The following SMG6 variants were observed in gnomAD, a reference collection of about 807,000 sequenced individuals.
SMG6 encodes telomerase-binding protein EST1A.
In SMG6, 66 loss-of-function variants were observed where a neutral mutation model predicts 142.2. That is an observed-to-expected ratio of 0.46 (90% CI 0.38 to 0.57). The LOEUF is 0.57. SMG6 is among the 20% of genes least tolerant of loss of function. The probability of loss-of-function intolerance (pLI) is 0.00; values close to 1 mark genes in which losing one functional copy is unlikely to be tolerated. For synonymous variants in SMG6, 779 were observed against 702.4 expected, an observed-to-expected ratio of 1.11 and a Z score of -1.72; for missense variants, 1,793 against 1,832.0, an observed-to-expected ratio of 0.98 and a Z score of 0.39.
intron 16 of SMG6, among the ~76,000 whole-genome samples, chr17:2,066,269 T>C (rs1419955041): frequency 1.3e-5 from 2 of 151,600 alleles, no homozygotes; most frequent in Non-Finnish European, 2.9e-5. Flanking sequence ...CGCACGTGTA[T>C]GTCTGTGTGC....
intron 13 of SMG6, among the ~76,000 whole-genome samples, chr17:2,147,926 C>G (rs2070716733): frequency 6.6e-6 from 1 of 152,078 alleles, no homozygotes; most frequent in South Asian, 2.1e-4. Flanking sequence ...GGCACGGTGC[C>G]TCACGCCTTA....
At chr17:2,064,227 G>C (rs932613692) in intron 18 of SMG6, among the ~76,000 whole-genome samples, 1 of 152,158 alleles carries the variant, frequency 6.6e-6, no homozygotes, top group Non-Finnish European at 1.5e-5. Flanking sequence ...AGAACTGCCA[G>C]CTCTGCAGAT....
rs772969302 is a variant in SMG6, at chr17:2,300,574, C to T, written c.179G>A (p.Arg60Lys). 1 of 1,613,898 alleles carries T rather than the reference C, an allele frequency of 6.2e-7. No homozygotes were observed. Among genetic ancestry groups the T allele is most frequent in the Non-Finnish European group, 8.5e-7 (1 of 1,179,950 alleles). ...EIYKPGLSRL[R>K]NKPKIKEPPG... Reference sequence around the variant, plus strand: ...GGGTTCCTTGATTTTGGGCTTGTTCCTTAGCCGAGAAAGGCCAGGCTTATA... The same window carrying T: ...GGGTTCCTTGATTTTGGGCTTGTTCTTTAGCCGAGAAAGGCCAGGCTTATA... Residue 60 changes from arginine to lysine, a missense_variant, in exon 2 of 19, where the codon AGG becomes AAG. Coordinates refer to ENST00000263073, the MANE Select transcript of SMG6 (RefSeq NM_017575.5).
intron 8 of SMG6, among the ~76,000 whole-genome samples, chr17:2,281,697 T>C (rs757793584): frequency 6.6e-6 from 1 of 152,234 alleles, no homozygotes; most frequent in African/African-American, 2.4e-5. Flanking sequence ...AATAGCTTCC[T>C]ACTATTTTCA....
intron 10 of SMG6, among the ~76,000 whole-genome samples, chr17:2,203,254 T>TAC (rs1322023217): frequency 6.6e-6 from 1 of 152,210 alleles, no homozygotes; most frequent in Non-Finnish European, 1.5e-5. Context: ...TTTTGTTACT[T>TAC]ACAGGTTACT....
chr17:2,196,867 A>G (rs1198578986), intron 10 of SMG6, among the ~76,000 whole-genome samples: 3 of 152,218 alleles, frequency 2.0e-5, no homozygotes, highest in South Asian at 2.1e-4. Flanking sequence ...CACCTCTTCT[A>G]AAATAAAATT....
chr17:2,146,408 A>G (rs920044802), intron 13 of SMG6, among the ~76,000 whole-genome samples: 1 of 152,160 alleles, frequency 6.6e-6, no homozygotes, highest in Non-Finnish European at 1.5e-5. Context: ...ATGAGTAAGT[A>G]GGTCACCTGT....
At chr17:2,244,936 G>A in intron 8 of SMG6, 1 of 561,156 alleles carries the variant, frequency 1.8e-6, no homozygotes, top group Non-Finnish European at 3.2e-6. Flanking sequence ...TCAGTGAGCA[G>A]ACAGCACCCT....
chr17:2,192,141 C>T (rs766338749), intron 10 of SMG6, among the ~76,000 whole-genome samples: 4 of 152,212 alleles, frequency 2.6e-5, no homozygotes, highest in Non-Finnish European at 5.9e-5. Flanking sequence ...GCAGGAGGGG[C>T]GGAGAGGGAA....
intron 15 of SMG6, among the ~76,000 whole-genome samples, chr17:2,069,345 T>C (rs1476610475): frequency 6.6e-6 from 1 of 152,004 alleles, no homozygotes; most frequent in Non-Finnish European, 1.5e-5. Flanking sequence ...CAGAATCTGT[T>C]ATTTTGACTT....
intron 10 of SMG6, among the ~76,000 whole-genome samples, chr17:2,212,289 C>A (rs1242494385): frequency 6.6e-6 from 1 of 151,756 alleles, no homozygotes; most frequent in Non-Finnish European, 1.5e-5. Context: ...AAAGATAGAC[C>A]CAAAAAAGTG....
chr17:2,298,207 G>A, intron 2 of SMG6, 152 bp from the exon 3 acceptor site: 1 of 641,352 alleles, frequency 1.6e-6, no homozygotes, highest in South Asian at 2.3e-5. Context: ...TTTCCATTCT[G>A]CAGAGCAGAA....
intron 12 of SMG6, among the ~76,000 whole-genome samples, chr17:2,179,154 C>T (rs2151669096): frequency 6.6e-6 from 1 of 152,262 alleles, no homozygotes; most frequent in South Asian, 2.1e-4. Context: ...TGCTAACGCC[C>T]CAACCCGGAG....
intron 8 of SMG6, among the ~76,000 whole-genome samples, chr17:2,281,130 C>T (rs544295232): frequency 6.6e-6 from 1 of 152,290 alleles, no homozygotes; most frequent in Non-Finnish European, 1.5e-5. Context: ...GCAGCCTTGA[C>T]GCTCTTGGGC....
At chr17:2,197,412 T>A (rs1014726724) in intron 10 of SMG6, among the ~76,000 whole-genome samples, 3 of 150,892 alleles carry the variant, frequency 2.0e-5, no homozygotes, top group Non-Finnish European at 2.9e-5. Context: ...AAAAAAAAAA[T>A]TTAATTAGCT....
At chr17:2,268,986 C>T (rs527842427) in intron 8 of SMG6, among the ~76,000 whole-genome samples, 2 of 151,230 alleles carry the variant, frequency 1.3e-5, no homozygotes, top group Admixed American at 6.6e-5. Flanking sequence ...GGGCAGATCA[C>T]GAGGTAAGGA....
chr17:2,188,520 G>C lies in SMG6; in HGVS notation c.2870-5C>G. The stretch of plus-strand genomic sequence containing the variant: ...GGCACTCCTCCGAGAAGCAGTCTGC[G>C]GACAGGCAAATGAAACTCTCAGCGC... On this transcript the variant is annotated splice_polypyrimidine_tract_variant and splice_region_variant and intron_variant, in intron 10 of 18. Coordinates refer to ENST00000263073, the MANE Select transcript of SMG6 (RefSeq NM_017575.5). 6.2e-7 allele frequency: 1 copy of C among 1,612,600 alleles called. No homozygotes were observed. The highest frequency in any genetic ancestry group is 1.7e-4 in the Middle Eastern group (1 of 6,056).
intron 13 of SMG6, among the ~76,000 whole-genome samples, chr17:2,086,771 C>T (rs935793121): frequency 6.6e-6 from 1 of 152,334 alleles, no homozygotes; most frequent in South Asian, 2.1e-4. Context: ...GTTTGCTTGG[C>T]TCACACTCTC....
In SMG6 at chr17:2,065,565, C is replaced by A; in HGVS notation, c.3950G>T (p.Arg1317Leu). ...CAGGCAAGAGTCCCGACTCTCGAAT[C>A]GCTGCTCGAGGAACTCGATGGACTT... ...ARKSIEFLEQ[R>L]FESRDSCLRA... The change falls in exon 17 of 19, where the codon CGA becomes CTA. Residue 1317 changes from arginine (R) to leucine (L), a missense_variant. Physicochemically the swap from Arg to Leu is moderately radical, Grantham distance 102 (BLOSUM62 -2). Transcript: ENST00000263073. The A allele has an allele frequency of 1.9e-6, 3 of 1,614,114 alleles. No individual in the cohort carries two copies. Among genetic ancestry groups the A allele is most frequent in the Non-Finnish European group, 2.5e-6 (3 of 1,180,020 alleles).
Sources: allele counts gnomAD v4.1 joint callset (sites outside exome capture counted in the v4.1 genomes callset), GRCh38; gene constraint gnomAD v4.1.1; transcripts MANE v1.5; gene names NCBI Gene and HGNC (gene_info 2026-07-23, HGNC 2026-07-21).